The following SV2C variants were observed in gnomAD, a reference collection of about 807,000 sequenced individuals.
The protein encoded by SV2C is synaptic vesicle glycoprotein 2C.
Under a neutral mutation model 79.7 loss-of-function variants are expected in SV2C, and 49 were observed. The ratio of observed to expected loss-of-function variants is 0.61; its 90% CI spans 0.49 to 0.78. The LOEUF (loss-of-function observed/expected upper bound fraction) is 0.78, where lower values mean the gene tolerates loss of function less well. Ranked by LOEUF, SV2C falls within the 30% of genes least tolerant of loss-of-function variation. The pLI is 0.00. For synonymous variants in SV2C, 334 were observed against 333.2 expected, an observed-to-expected ratio of 1.00 and a Z score of -0.03; for missense variants, 833 against 912.9, an observed-to-expected ratio of 0.91 and a Z score of 1.13.
At chr5:76,139,140 A>G (rs1019323219) in intron 2 of SV2C, among the ~76,000 whole-genome samples, 6 of 152,106 alleles carry the variant, frequency 3.9e-5, no homozygotes, top group Non-Finnish European at 7.4e-5. Context: ...AGAATGTATT[A>G]TTTTGAATTG....
chr5:76,106,777 C>G (rs2112130245), intron 1 of SV2C, among the ~76,000 whole-genome samples: 1 of 152,298 alleles, frequency 6.6e-6, no homozygotes, highest in South Asian at 2.1e-4. Context: ...CACAACCTAT[C>G]CCCTCCCTAC....
chr5:76,026,960 A>AT, the SV2C span, among the ~76,000 whole-genome samples: 7 of 145,374 alleles, frequency 4.8e-5, no homozygotes, highest in Admixed American at 2.8e-4. Context: ...GACTTTTCCT[A>AT]TTTTTTTTCT....
the SV2C span, among the ~76,000 whole-genome samples, chr5:76,038,381 A>T: frequency 6.6e-6 from 1 of 152,218 alleles, no homozygotes; most frequent in African/African-American, 2.4e-5. Flanking sequence ...TGGGTTTTGG[A>T]GCCAAGCAGA....
the SV2C span, among the ~76,000 whole-genome samples, chr5:75,954,763 G>C: frequency 6.7e-6 from 1 of 149,092 alleles, no homozygotes; most frequent in African/African-American, 2.6e-5. Flanking sequence ...GACAAACAGA[G>C]AGCCAAATCA....
the SV2C span, among the ~76,000 whole-genome samples, chr5:75,877,220 A>G: frequency 6.6e-6 from 1 of 152,254 alleles, no homozygotes; most frequent in Non-Finnish European, 1.5e-5. Flanking sequence ...TAGAATAATA[A>G]AGGTCATCCA....
intron 4 of SV2C, among the ~76,000 whole-genome samples, chr5:76,258,371 G>C (rs1437430627): frequency 2.0e-5 from 3 of 152,108 alleles, no homozygotes; most frequent in Non-Finnish European, 4.4e-5. Flanking sequence ...AAATTAACCA[G>C]CTTTGTTAGT....
chr5:75,865,803 T>C, the SV2C span, among the ~76,000 whole-genome samples: 2 of 152,320 alleles, frequency 1.3e-5, no homozygotes, highest in South Asian at 4.1e-4. Context: ...GAAAGCATCT[T>C]CTATGGAAGA....
chr5:76,169,348 G>C (rs189397083), intron 2 of SV2C, among the ~76,000 whole-genome samples: 1 of 152,280 alleles, frequency 6.6e-6, no homozygotes, highest in Non-Finnish European at 1.5e-5. Flanking sequence ...TGTATGACTA[G>C]GGCACTGTGC....
intron 4 of SV2C, among the ~76,000 whole-genome samples, chr5:76,217,164 G>C (rs567034799): frequency 6.6e-6 from 1 of 152,230 alleles, no homozygotes; most frequent in East Asian, 1.9e-4. Flanking sequence ...GATGTTATAG[G>C]GTCAAACTTG....
chr5:76,193,203 A>C (rs947642168), intron 2 of SV2C, among the ~76,000 whole-genome samples: 5 of 152,172 alleles, frequency 3.3e-5, no homozygotes, highest in Admixed American at 1.3e-4. Flanking sequence ...TTCTGATCCT[A>C]TGATCCCAGG....
At chr5:76,285,990 C>A in intron 6 of SV2C, 120 bp downstream of exon 6, 1 of 795,822 alleles carries the variant, frequency 1.3e-6, no homozygotes, top group Non-Finnish European at 2.0e-6. Context: ...AGCTACTCAG[C>A]TCTGCCATTG....
rs975068570 is a variant in SV2C at position 76,131,638 on chromosome 5, C to G, written c.-101-12C>G. On this transcript the variant is annotated splice_polypyrimidine_tract_variant and intron_variant, in intron 1 of 12. Transcript: ENST00000502798. ...GGAATAATAAGTATCTCCTCTATTT[C>G]TTCTTTCGCAGTTCTGTTTTGAACC... is the stretch of plus-strand genomic sequence containing the variant. The G allele has an allele frequency of 2.7e-6, 2 of 732,626 alleles. No homozygotes were observed. Among genetic ancestry groups the G allele is most frequent in the African/African-American group, 3.5e-5 (2 of 56,404 alleles). The allele number at this position is 732,626 out of a possible 1,614,324, so 45.4% of individuals were successfully genotyped here.
chr5:76,291,371 T>C (rs1747558413), intron 7 of SV2C, 40 bp downstream of exon 7: 2 of 1,517,758 alleles, frequency 1.3e-6, no homozygotes, highest in Non-Finnish European at 9.0e-7. Flanking sequence ...TGTTAATTTA[T>C]TGCATTTGAG....
intron 12 of SV2C, among the ~76,000 whole-genome samples, chr5:76,350,248 C>T (rs2112591630): frequency 6.6e-6 from 1 of 152,274 alleles, no homozygotes; most frequent in Admixed American, 6.5e-5. Context: ...ATGAGATTTC[C>T]TGTCTGTCTG....
chr5:76,152,496 T>C (rs1187690230), intron 2 of SV2C, among the ~76,000 whole-genome samples: 2 of 152,238 alleles, frequency 1.3e-5, no homozygotes, highest in Non-Finnish European at 2.9e-5. Flanking sequence ...GCTGCTGCTA[T>C]CTCATTTTAT....
chr5:76,169,831 G>A (rs1215986638), intron 2 of SV2C, among the ~76,000 whole-genome samples: 1 of 152,174 alleles, frequency 6.6e-6, no homozygotes, highest in Non-Finnish European at 1.5e-5. Context: ...TGGAAACCAT[G>A]TTAGTGGAAT....
intron 4 of SV2C, 76 bp downstream of exon 4, chr5:76,209,963 T>C: frequency 1.3e-6 from 2 of 1,485,010 alleles, no homozygotes; most frequent in Non-Finnish European, 9.0e-7. Flanking sequence ...TCTTCCTCTC[T>C]TCTAAGGGCC....
chr5:76,288,313 T>C (rs1297560092), intron 6 of SV2C, among the ~76,000 whole-genome samples: 2 of 152,228 alleles, frequency 1.3e-5, no homozygotes, highest in Non-Finnish European at 2.9e-5. Context: ...ACTGTAAAGA[T>C]AAACTGCAAT....
At chr5:75,885,370 C>T in the SV2C span, among the ~76,000 whole-genome samples, 3 of 152,072 alleles carry the variant, frequency 2.0e-5, no homozygotes, top group African/African-American at 7.2e-5. Flanking sequence ...GTCCAGTTTC[C>T]TGACCAGTAT....
Sources: allele counts gnomAD v4.1 joint callset (sites outside exome capture counted in the v4.1 genomes callset), GRCh38; gene constraint gnomAD v4.1.1; transcripts MANE v1.5; gene names NCBI Gene and HGNC (gene_info 2026-07-23, HGNC 2026-07-21).